Variants in JARID2 observed in about 807,000 individuals in gnomAD.
JARID2 encodes protein Jumonji.
JARID2 carries 21 observed loss-of-function variants against 125.6 expected under a neutral mutation model. That is an observed-to-expected ratio of 0.17 (90% CI 0.12 to 0.24). JARID2 has a LOEUF of 0.24. Ranked by LOEUF, JARID2 falls within the 10% of genes least tolerant of loss-of-function variation. The pLI, the probability that JARID2 is intolerant of heterozygous loss-of-function variation, is 1.00. For missense variants in JARID2, 1,303 were observed against 1,639.6 expected (o/e 0.79, Z 3.55); for synonymous variants, 736 against 661.6 (o/e 1.11, Z -1.73).
At chr6:15,293,074 C>A (rs1581378832) in intron 1 of JARID2, among the ~76,000 whole-genome samples, 1 of 152,326 alleles carries the variant, frequency 6.6e-6, no homozygotes, top group South Asian at 2.1e-4. Flanking sequence ...CCAGTGCCTG[C>A]TTGGGAAGTT....
At chr6:15,511,455 TTGAACA>T in intron 13 of JARID2, 54 bp downstream of exon 13, 1 of 1,187,130 alleles carries the variant, frequency 8.4e-7, no homozygotes, top group Non-Finnish European at 1.3e-6. Flanking sequence ...TCCTAGGCAC[TTGAACA>T]TGGTTTCCCA....
chr6:15,406,216 A>G (rs1245212479), intron 2 of JARID2, among the ~76,000 whole-genome samples: 1 of 152,154 alleles, frequency 6.6e-6, no homozygotes, highest in Non-Finnish European at 1.5e-5. Context: ...CAGGTGTATC[A>G]CAAGGTCAAG....
chr6:15,305,933 T>C (rs915982953), intron 1 of JARID2, among the ~76,000 whole-genome samples: 2 of 152,248 alleles, frequency 1.3e-5, no homozygotes, highest in Non-Finnish European at 2.9e-5. Context: ...TTCTGAACTT[T>C]TGTAAGGAAA....
chr6:15,334,257 A>G (rs905477721), intron 1 of JARID2, among the ~76,000 whole-genome samples: 4 of 152,226 alleles, frequency 2.6e-5, no homozygotes, highest in African/African-American at 9.6e-5. Flanking sequence ...GTGCTGCATA[A>G]TGGAATAAAA....
At chr6:15,394,089 C>T (rs567282985) in intron 2 of JARID2, among the ~76,000 whole-genome samples, 2 of 152,220 alleles carry the variant, frequency 1.3e-5, no homozygotes, top group African/African-American at 4.8e-5. Context: ...GTGCTGAGAT[C>T]TCATAATTTA....
rs114526554 is a variant in JARID2 at position 15,247,262 on chromosome 6, A to T, written c.45+678A>T. 2.7e-3 allele frequency among the ~76,000 whole-genome samples: 406 copies of T among 152,354 alleles called. 2 individuals carry two copies. Among genetic ancestry groups the T allele is most frequent in the African/African-American group, 9.2e-3 (382 of 41,578 alleles). On this transcript the variant is annotated intron_variant, in intron 1 of 17. Transcript: ENST00000341776. ...TGTTTTTAAGTGTGTACGTGAATGC[A>T]TATGTAAGTAACTACAAATAATTTC...
In JARID2 at chr6:15,286,861, C is replaced by CA. The variant is rs1180696178; in HGVS notation, c.45+40290dup. ...TGGGCGACAGAGCGAGACTCCATCTCAAAAAAAAAAAAAGCGCCTCTTAAT... is the reference window on the plus strand; with the variant it reads ...TGGGCGACAGAGCGAGACTCCATCTCAAAAAAAAAAAAAAGCGCCTCTTAAT... On this transcript the variant is annotated intron_variant, in intron 1 of 17. Transcript: ENST00000341776. 7.3e-3 allele frequency among the ~76,000 whole-genome samples: 813 copies of CA among 111,346 alleles called. 4 individuals are homozygous for CA. Among genetic ancestry groups the CA allele is most frequent in the Admixed American group, 0.012 (131 of 10,940 alleles). The allele number at this position is 111,346 out of a possible 152,430, so 73.0% of individuals were successfully genotyped here.
chr6:15,291,742 AAAG>A (rs544747569), intron 1 of JARID2, among the ~76,000 whole-genome samples: 12 of 152,330 alleles, frequency 7.9e-5, no homozygotes, highest in Admixed American at 3.9e-4. Flanking sequence ...GAAATGGAGA[AAAG>A]AAGTTAATCC....
chr6:15,429,454 T>C (rs189721956), intron 3 of JARID2, among the ~76,000 whole-genome samples: 65 of 151,980 alleles, frequency 4.3e-4, no homozygotes, highest in Non-Finnish European at 6.9e-4. Flanking sequence ...TTTGTAGAGG[T>C]TGGGTCTCAG....
At chr6:15,407,023 T>A (rs1006836666) in intron 2 of JARID2, among the ~76,000 whole-genome samples, 4 of 150,990 alleles carry the variant, frequency 2.6e-5, no homozygotes, top group Non-Finnish European at 4.4e-5. Flanking sequence ...CTTTGGGAGG[T>A]CGAAATGGGC....
intron 1 of JARID2, among the ~76,000 whole-genome samples, chr6:15,260,757 A>G (rs1464158479): frequency 6.6e-6 from 1 of 152,240 alleles, no homozygotes; most frequent in Non-Finnish European, 1.5e-5. Context: ...GGCCCTGGTA[A>G]GCTGGAAAGC....
chr6:15,455,507 T>A (rs995384326), intron 4 of JARID2, among the ~76,000 whole-genome samples: 2 of 152,146 alleles, frequency 1.3e-5, no homozygotes, highest in African/African-American at 2.4e-5. Flanking sequence ...CTTTTCTAAA[T>A]ATGCATGGCT....
At chr6:15,427,454 G>A (rs990166848) in intron 3 of JARID2, among the ~76,000 whole-genome samples, 19 of 151,392 alleles carry the variant, frequency 1.3e-4, no homozygotes, top group African/African-American at 3.6e-4. Context: ...CTGTTACCTC[G>A]GAGATCAGAT....
intron 2 of JARID2, among the ~76,000 whole-genome samples, chr6:15,380,410 C>A (rs1327658057): frequency 6.6e-6 from 1 of 152,100 alleles, no homozygotes; most frequent in African/African-American, 2.4e-5. Flanking sequence ...TGTTTCTGGG[C>A]TTTATTTATG....
intron 1 of JARID2, among the ~76,000 whole-genome samples, chr6:15,342,868 G>C (rs1385978055): frequency 6.6e-6 from 1 of 152,082 alleles, no homozygotes; most frequent in Non-Finnish European, 1.5e-5. Context: ...TTATTACTGA[G>C]GTGCTTTGAT....
intron 1 of JARID2, among the ~76,000 whole-genome samples, chr6:15,370,314 G>T (rs1190040395): frequency 3.4e-5 from 5 of 147,090 alleles, no homozygotes; most frequent in African/African-American, 1.3e-4. Context: ...TCTAATGATA[G>T]AGTTGTATCT....
intron 6 of JARID2, among the ~76,000 whole-genome samples, chr6:15,493,859 TTC>T (rs1352370107): frequency 6.6e-6 from 1 of 152,200 alleles, no homozygotes. Flanking sequence ...CACGGAATAT[TTC>T]TGTTTGTCCT....
chr6:15,291,484 T>C (rs1028388910), intron 1 of JARID2, among the ~76,000 whole-genome samples: 1 of 152,216 alleles, frequency 6.6e-6, no homozygotes, highest in Non-Finnish European at 1.5e-5. Context: ...TTTCTCAGCC[T>C]GCGTCAGGCT....
chr6:15,464,284 G>C (rs1768601857), intron 4 of JARID2, among the ~76,000 whole-genome samples: 1 of 152,144 alleles, frequency 6.6e-6, no homozygotes, highest in South Asian at 2.1e-4. Context: ...ATTCTTAGAG[G>C]GATTTACAGC....
Sources: gnomAD v4.1 joint callset for allele counts (sites outside exome capture counted in the v4.1 genomes callset) on GRCh38, gnomAD v4.1.1 for gene constraint, MANE v1.5 for transcripts, NCBI Gene and HGNC (gene_info 2026-07-23, HGNC 2026-07-21) for gene names.